The following THRB variants were observed in gnomAD, a reference collection of about 807,000 sequenced individuals.
THRB encodes nuclear receptor subfamily 1 group A member 2.
In THRB, 12 loss-of-function variants were observed where a neutral mutation model predicts 47.8. The observed-to-expected ratio is 0.25, with a 90% CI of 0.16 to 0.41. The LOEUF (loss-of-function observed/expected upper bound fraction) is 0.41. THRB is among the 10% of genes least tolerant of loss of function. THRB has a pLI of 1.00. For missense variants in THRB, 348 were observed against 589.2 expected (o/e 0.59, Z 4.24); for synonymous variants, 218 against 212.2 (o/e 1.03, Z -0.24).
chr3:24,139,495 T>G (rs1413418458), intron 8 of THRB, among the ~76,000 whole-genome samples: 1 of 152,026 alleles, frequency 6.6e-6, no homozygotes, highest in Admixed American at 6.6e-5. Context: ...GTGATCCATC[T>G]ACCTCAGCCT....
At chr3:24,244,088 G>A (rs1283202561) in intron 3 of THRB, among the ~76,000 whole-genome samples, 1 of 152,108 alleles carries the variant, frequency 6.6e-6, no homozygotes, top group Non-Finnish European at 1.5e-5. Context: ...GGGGGTGAGG[G>A]ATTGGTTTAA....
chr3:24,129,370 G>C (rs2033452411), intron 9 of THRB, among the ~76,000 whole-genome samples: 1 of 152,224 alleles, frequency 6.6e-6, no homozygotes, highest in South Asian at 2.1e-4. Context: ...ACAGCAACAA[G>C]AAGTTACTAA....
chr3:24,478,612 G>C (rs1392396393), intron 1 of THRB, among the ~76,000 whole-genome samples: 1 of 152,118 alleles, frequency 6.6e-6, no homozygotes, highest in African/African-American at 2.4e-5. Context: ...AGAAGGATAG[G>C]AAGAGGCAGT....
chr3:24,217,218 A>G (rs1480076062), intron 4 of THRB, among the ~76,000 whole-genome samples: 2 of 152,080 alleles, frequency 1.3e-5, no homozygotes, highest in Non-Finnish European at 2.9e-5. Context: ...GGTCTATAAA[A>G]GCAGCGTCAG....
chr3:24,475,912 G>T (rs771724757), intron 1 of THRB, among the ~76,000 whole-genome samples: 1 of 152,152 alleles, frequency 6.6e-6, no homozygotes, highest in South Asian at 2.1e-4. Flanking sequence ...GCTTTAAATA[G>T]CTCACTCAGG....
intron 3 of THRB, among the ~76,000 whole-genome samples, chr3:24,248,768 C>T (rs2050366221): frequency 6.6e-6 from 1 of 152,146 alleles, no homozygotes; most frequent in Admixed American, 6.5e-5. Context: ...AGCTGGTTGG[C>T]TTCCTTTCTT....
In THRB at chr3:24,328,111, T is replaced by A. The variant is rs572662686; in HGVS notation, c.-189+9189A>T. On this transcript the variant is annotated intron_variant, in intron 2 of 10. Transcript: ENST00000646209. ...CAGCCTCACTATTGGGGTTTCTAGT[T>A]TGTTAAGATTAAATAATGTTGGCGA... Among the ~76,000 whole-genome samples the A allele has an allele frequency of 1.1e-4, 17 of 152,256 alleles. No homozygotes were observed. In the South Asian group the frequency reaches 3.3e-3, roughly 30 times the overall value.
chr3:24,255,752 G>C (rs2051200439), intron 3 of THRB, among the ~76,000 whole-genome samples: 1 of 152,234 alleles, frequency 6.6e-6, no homozygotes, highest in African/African-American at 2.4e-5. Context: ...AGATGAGTCT[G>C]GAGAGACAGA....
At position 24,118,688 on chromosome 3, in the gene THRB, A is replaced by G. The variant is rs954585458; in HGVS notation, c.*4196T>C. 2 of 152,670 alleles carry G rather than the reference A, an allele frequency of 1.3e-5. No homozygotes were observed. Among genetic ancestry groups the G allele is most frequent in the Admixed American group, 6.5e-5 (1 of 15,290 alleles). 9.5% of individuals were successfully genotyped at this position (152,670 alleles called of 1,614,324 possible). On this transcript the variant is annotated 3_prime_UTR_variant, in exon 11 of 11. Coordinates refer to ENST00000646209, the MANE Select transcript of THRB (RefSeq NM_001354712.2). Reference sequence around the variant, plus strand: ...ATTTCTGTATCAACAATACATATGTAAAGTGTCTCCTTTTGTCTTACATTG... The same window carrying G: ...ATTTCTGTATCAACAATACATATGTGAAGTGTCTCCTTTTGTCTTACATTG...
chr3:24,138,935 G>A (rs978167455), intron 8 of THRB, among the ~76,000 whole-genome samples: 1 of 152,218 alleles, frequency 6.6e-6, no homozygotes, highest in African/African-American at 2.4e-5. Context: ...GCAGAATAAT[G>A]ACACAATGTC....
chr3:24,194,181 A>G (rs1481357208), intron 4 of THRB, among the ~76,000 whole-genome samples: 1 of 152,236 alleles, frequency 6.6e-6, no homozygotes, highest in Non-Finnish European at 1.5e-5. Context: ...TACACTGCTC[A>G]GGTGGTGGGT....
chr3:24,483,928 G>A (rs1442303766), intron 1 of THRB: 2 of 152,220 alleles, frequency 1.3e-5, no homozygotes, highest in Non-Finnish European at 2.9e-5. Flanking sequence ...CTCACCAAGG[G>A]AATGTGAGCA....
chr3:24,216,128 T>C (rs993369627), intron 4 of THRB, among the ~76,000 whole-genome samples: 1 of 152,206 alleles, frequency 6.6e-6, no homozygotes, highest in African/African-American at 2.4e-5. Context: ...TCAGAGTCAA[T>C]GGATGCTTAA....
chr3:24,173,962 T>A (rs2040789051), intron 5 of THRB, among the ~76,000 whole-genome samples: 1 of 152,208 alleles, frequency 6.6e-6, no homozygotes, highest in South Asian at 2.1e-4. Context: ...GGTGTTTATA[T>A]GCATCATCTT....
intron 8 of THRB, among the ~76,000 whole-genome samples, chr3:24,135,202 C>G (rs1035031542): frequency 1.3e-5 from 2 of 152,204 alleles, no homozygotes; most frequent in Non-Finnish European, 2.9e-5. Flanking sequence ...TCTCCTGTTA[C>G]TGCTCACATC....
intron 1 of THRB, among the ~76,000 whole-genome samples, chr3:24,477,978 G>A (rs955798429): frequency 1.3e-5 from 2 of 150,968 alleles, no homozygotes; most frequent in African/African-American, 4.9e-5. Flanking sequence ...AACAAAGAGT[G>A]TGGAATATGT....
chr3:24,413,219 C>A (rs1282232934), intron 1 of THRB, among the ~76,000 whole-genome samples: 1 of 151,812 alleles, frequency 6.6e-6, no homozygotes, highest in East Asian at 2.0e-4. Context: ...ATGCATCCAG[C>A]AAATGTTAAG....
At chr3:24,471,594 T>C (rs1373221067) in intron 1 of THRB, among the ~76,000 whole-genome samples, 1 of 152,196 alleles carries the variant, frequency 6.6e-6, no homozygotes, top group African/African-American at 2.4e-5. Context: ...CCTTCCCAGC[T>C]TTGTGGCCCT....
At chr3:24,328,405 T>C (rs1240276342) in intron 2 of THRB, among the ~76,000 whole-genome samples, 7 of 152,198 alleles carry the variant, frequency 4.6e-5, no homozygotes. Context: ...ATTTGACGCC[T>C]CCACATAAAT....
Sources: gnomAD v4.1 joint callset for allele counts (sites outside exome capture counted in the v4.1 genomes callset) on GRCh38, gnomAD v4.1.1 for gene constraint, MANE v1.5 for transcripts, NCBI Gene and HGNC (gene_info 2026-07-23, HGNC 2026-07-21) for gene names.